The following PTPRT variants were observed in gnomAD, a reference collection of about 807,000 sequenced individuals.
PTPRT encodes the protein protein tyrosine phosphatase receptor type T.
A neutral mutation model predicts 176.8 loss-of-function variants in PTPRT; 56 were observed. The observed-to-expected ratio is 0.32, with a 90% CI of 0.26 to 0.40. The LOEUF (loss-of-function observed/expected upper bound fraction) is 0.40. Ranked by LOEUF, PTPRT falls within the 10% of genes least tolerant of loss-of-function variation. PTPRT has a pLI of 1.00. For missense variants in PTPRT, 1,540 were observed against 1,908.2 expected (o/e 0.81, Z 3.60); for synonymous variants, 783 against 739.0 (o/e 1.06, Z -0.96).
chr20:42,215,044 C>G (rs949702410), intron 15 of PTPRT, among the ~76,000 whole-genome samples: 5 of 152,234 alleles, frequency 3.3e-5, no homozygotes, highest in African/African-American at 1.2e-4. Flanking sequence ...TAACTGGGAT[C>G]TGTCACCTAC....
intron 2 of PTPRT, among the ~76,000 whole-genome samples, chr20:42,857,611 T>C (rs1290142077): frequency 6.6e-6 from 1 of 152,194 alleles, no homozygotes; most frequent in Non-Finnish European, 1.5e-5. Flanking sequence ...GACTGCTAAG[T>C]GGTCTTTGTG....
At chr20:43,065,309 G>C (rs2146260055) in intron 1 of PTPRT, among the ~76,000 whole-genome samples, 1 of 152,316 alleles carries the variant, frequency 6.6e-6, no homozygotes, top group Admixed American at 6.5e-5. Flanking sequence ...GTAGTCAAGG[G>C]AGGAGAATGC....
At chr20:42,249,186 T>A (rs567054179) in intron 13 of PTPRT, among the ~76,000 whole-genome samples, 1 of 152,326 alleles carries the variant, frequency 6.6e-6, no homozygotes, top group Admixed American at 6.5e-5. Context: ...CACTGGGAAT[T>A]ATACCTAACC....
intron 2 of PTPRT, among the ~76,000 whole-genome samples, chr20:42,838,080 G>T (rs1320693601): frequency 6.6e-6 from 1 of 152,186 alleles, no homozygotes; most frequent in African/African-American, 2.4e-5. Context: ...AGGTTGGAGT[G>T]CAGTAGCATG....
chr20:43,018,700 A>G (rs549114242), intron 1 of PTPRT, among the ~76,000 whole-genome samples: 3 of 152,382 alleles, frequency 2.0e-5, no homozygotes, highest in African/African-American at 7.2e-5. Context: ...AGATTTGAAC[A>G]GGTAATTTAT....
At chr20:42,696,800 T>A (rs13043908) in intron 6 of PTPRT, among the ~76,000 whole-genome samples, 55,392 of 151,834 alleles carry the variant, frequency 0.36, 11,101 homozygotes, top group African/African-American at 0.54. Flanking sequence ...CCAGGAGCTC[T>A]GCGAGCTTGG....
chr20:42,435,558 G>A (rs540343242), intron 9 of PTPRT, among the ~76,000 whole-genome samples: 1 of 152,246 alleles, frequency 6.6e-6, no homozygotes, highest in East Asian at 1.9e-4. Context: ...AAAAGAGAAT[G>A]GGAGGTGCAA....
At chr20:43,143,877 C>A (rs1171879360) in intron 1 of PTPRT, among the ~76,000 whole-genome samples, 1 of 152,108 alleles carries the variant, frequency 6.6e-6, no homozygotes, top group East Asian at 1.9e-4. Flanking sequence ...ACATAAGCAG[C>A]AATCCCACCT....
At chr20:42,085,915 A>C in intron 27 of PTPRT, 62 bp from the exon 28 acceptor site, 2 of 1,469,800 alleles carry the variant, frequency 1.4e-6, no homozygotes, top group Non-Finnish European at 1.9e-6. Context: ...TCAAAGTCTC[A>C]TTTATCAACA....
chr20:42,982,298 A>G (rs1467791746), intron 1 of PTPRT, among the ~76,000 whole-genome samples: 3 of 152,214 alleles, frequency 2.0e-5, no homozygotes, highest in Non-Finnish European at 4.4e-5. Context: ...GAAGCCATCC[A>G]TCTGTCCTCA....
At chr20:42,214,830 A>G (rs1025166359) in intron 15 of PTPRT, among the ~76,000 whole-genome samples, 1 of 152,232 alleles carries the variant, frequency 6.6e-6, no homozygotes, top group African/African-American at 2.4e-5. Flanking sequence ...TGGGCCCTAA[A>G]GCAGAGCCTA....
At chr20:42,113,489 G>T (rs904322075) in intron 22 of PTPRT, among the ~76,000 whole-genome samples, 4 of 152,196 alleles carry the variant, frequency 2.6e-5, no homozygotes, top group African/African-American at 9.6e-5. Flanking sequence ...GCTGACAGGG[G>T]CTGGCCCACC....
At chr20:43,159,700 A>G (rs1208859978) in intron 1 of PTPRT, among the ~76,000 whole-genome samples, 1 of 152,138 alleles carries the variant, frequency 6.6e-6, no homozygotes, top group Non-Finnish European at 1.5e-5. Context: ...CTCCTTCCAT[A>G]TAATATACTC....
intron 1 of PTPRT, among the ~76,000 whole-genome samples, chr20:42,907,099 G>A (rs1485029005): frequency 6.6e-6 from 1 of 151,978 alleles, no homozygotes; most frequent in Non-Finnish European, 1.5e-5. Context: ...GAATTATTAT[G>A]AGTAAATGAA....
chr20:42,808,694 A>T (rs1251043034), intron 2 of PTPRT, among the ~76,000 whole-genome samples: 1 of 152,142 alleles, frequency 6.6e-6, no homozygotes, highest in Non-Finnish European at 1.5e-5. Context: ...GGATGCGTCA[A>T]GTAGATAGTT....
intron 5 of PTPRT, among the ~76,000 whole-genome samples, chr20:42,760,103 C>T (rs2076893156): frequency 6.6e-6 from 1 of 152,158 alleles, no homozygotes; most frequent in Non-Finnish European, 1.5e-5. Context: ...AGTCATTGGT[C>T]AGGGCTCACG....
chr20:43,125,811 A>G (rs1001276560), intron 1 of PTPRT, among the ~76,000 whole-genome samples: 1 of 152,250 alleles, frequency 6.6e-6, no homozygotes, highest in Non-Finnish European at 1.5e-5. Context: ...GTAATTGATT[A>G]GAGAGCTTTT....
At chr20:43,114,750 C>T (rs1412895830) in intron 1 of PTPRT, among the ~76,000 whole-genome samples, 1 of 152,070 alleles carries the variant, frequency 6.6e-6, no homozygotes, top group Non-Finnish European at 1.5e-5. Flanking sequence ...TCTGAGCCCT[C>T]ACCAGTGTTA....
In PTPRT at chr20:42,904,369, T is replaced by C. The variant is rs368020140; in HGVS notation, c.89-18437A>G. On this transcript the variant is annotated intron_variant, in intron 1 of 30. Transcript: ENST00000373187. The stretch of plus-strand genomic sequence containing the variant: ...CACCACAGGCAGGTGGTCTTGAAGA[T>C]TGAGGATTTGCCTGAGAGAAAGGAG... Among the ~76,000 whole-genome samples the C allele has an allele frequency of 3.9e-5, 6 of 152,072 alleles. No individual in the cohort carries two copies. The East Asian group carries it at 9.6e-4, about 24-fold the overall frequency.
Sources: allele counts gnomAD v4.1 joint callset (sites outside exome capture counted in the v4.1 genomes callset), GRCh38; gene constraint gnomAD v4.1.1; transcripts MANE v1.5; gene names NCBI Gene and HGNC (gene_info 2026-07-23, HGNC 2026-07-21).